SAMD9L: variants seen among roughly 807,000 people sequenced by gnomAD.
The protein encoded by SAMD9L is sterile alpha motif domain containing 9 like, also known as sterile alpha motif domain-containing protein 9-like.
A neutral mutation model predicts 90.7 loss-of-function variants in SAMD9L; 68 were observed. The ratio of observed to expected loss-of-function variants is 0.75; its 90% CI spans 0.62 to 0.92. The LOEUF is 0.92. Among genes scored for constraint, SAMD9L ranks in the 40% least tolerant of loss-of-function variants. The pLI, the probability that SAMD9L is intolerant of heterozygous loss-of-function variation, is 0.00. For missense variants in SAMD9L, 1,604 were observed against 1,824.3 expected (o/e 0.88, Z 2.20); for synonymous variants, 640 against 630.1 (o/e 1.02, Z -0.23).
At chr7:93,136,497 A>G (rs533654194) in intron 4 of SAMD9L, among the ~76,000 whole-genome samples, 2 of 152,312 alleles carry the variant, frequency 1.3e-5, no homozygotes, top group South Asian at 2.1e-4. Flanking sequence ...CTGTTAGGCC[A>G]CAAGGCTAGG....
In SAMD9L at chr7:93,130,517, G is replaced by C. The variant is rs1182669683; in HGVS notation, c.*700C>G. On this transcript the variant is annotated 3_prime_UTR_variant, in exon 5 of 5. Coordinates refer to ENST00000318238, the MANE Select transcript of SAMD9L (RefSeq NM_152703.5). ...GGTGGAGATAAGGCTGTATTCACAG[G>C]AGACAAAAATGGCTTAAAGGAAGAG... is the stretch of plus-strand genomic sequence containing the variant. 1 of 152,186 alleles carries C rather than the reference G, an allele frequency of 6.6e-6. No homozygotes were observed. The highest frequency in any genetic ancestry group is 1.5e-5 in the Non-Finnish European group (1 of 68,052). 9.4% of individuals were successfully genotyped at this position (152,186 alleles called of 1,614,324 possible).
At position 93,133,726 on chromosome 7, in the gene SAMD9L, G is replaced by A. The variant is rs1421189659; in HGVS notation, c.2246C>T (p.Thr749Ile). The A allele has an allele frequency of 6.2e-7, 1 of 1,613,554 alleles. No individual in the cohort carries two copies. The highest frequency in any genetic ancestry group is 8.5e-7 in the Non-Finnish European group (1 of 1,179,854). The stretch of plus-strand genomic sequence containing the variant: ...GTCCCAGAGAACATGCATAGCCAGT[G>A]TGGTACCTCCACAGCCTGGATGATG... The part of the protein sequence containing the change: ...LYHHPGCGGT[T>I]LAMHVLWDLK... Residue 749 changes from threonine to isoleucine, a missense_variant, in exon 5 of 5, where the codon ACA (threonine) becomes ATA (isoleucine). This residue lies in a region of SAMD9L where 606 missense variants were observed against 717.6 expected (regional missense o/e 0.84). Coordinates refer to ENST00000318238, the MANE Select transcript of SAMD9L (RefSeq NM_152703.5).
At position 93,131,331 on chromosome 7, in the gene SAMD9L, T is replaced by C; in HGVS notation, c.4641A>G (p.Pro1547=). ...GTGGACCTGAATAAACAGATATTAC[T>C]GGTATTTTTATTTTTTCCTCTGTTC... ...EYGTEEKIKI[P]VISVYSGPLR... Residue 1547 remains proline (P), a synonymous_variant, in exon 5 of 5, where the codon CCA becomes CCG. Coordinates refer to ENST00000318238, the MANE Select transcript of SAMD9L (RefSeq NM_152703.5). The C allele has an allele frequency of 6.2e-7, 1 of 1,613,444 alleles. No individual in the cohort carries two copies. The highest frequency in any genetic ancestry group is 8.5e-7 in the Non-Finnish European group (1 of 1,179,616).
Position 93,135,104 on chromosome 7 carries a change from C to T in SAMD9L, c.868G>A (p.Val290Met), listed in dbSNP as rs753487843. 6.2e-7 allele frequency: 1 copy of T among 1,612,664 alleles called. No individual in the cohort carries two copies. The highest frequency in any genetic ancestry group is 1.7e-5 in the Admixed American group (1 of 60,018). ...AKKCIREPRF[V>M]EVLLQNNTPS... ...GTATTGTTCTGCAGAAGGACTTCCACAAACCTTGGCTCCCGAATACACTTC... is the reference window on the plus strand; with the variant it reads ...GTATTGTTCTGCAGAAGGACTTCCATAAACCTTGGCTCCCGAATACACTTC... The change falls in exon 5 of 5, where the codon GTG (valine) becomes ATG (methionine). Residue 290 changes from valine to methionine, a missense_variant. Physicochemically the swap from Val to Met is conservative, Grantham distance 21. Transcript: ENST00000318238.
At chr7:93,138,713 G>C (rs913482365) in intron 4 of SAMD9L, among the ~76,000 whole-genome samples, 13 of 152,254 alleles carry the variant, frequency 8.5e-5, no homozygotes, top group African/African-American at 3.1e-4. Flanking sequence ...TCCAGCAGTG[G>C]GCAGCTCCTA....
Position 93,131,777 on chromosome 7 carries a change from A to G in SAMD9L, c.4195T>C (p.Leu1399=). 1 of 1,613,632 alleles carries G rather than the reference A, an allele frequency of 6.2e-7. No individual in the cohort carries two copies. The highest frequency in any genetic ancestry group is 8.5e-7 in the Non-Finnish European group (1 of 1,179,828). The part of the protein sequence containing the change: ...ILSCLKPNSK[L]IQPLTTLKKQ... ...TTTAGCGTGGTAAGTGGTTGAATTA[A>G]CTTGGAGTTGGGCTTTAGACAACTC... Residue 1399 remains leucine (L), a synonymous_variant, in exon 5 of 5, where the codon TTA becomes CTA. Transcript: ENST00000318238.
intron 4 of SAMD9L, among the ~76,000 whole-genome samples, chr7:93,141,166 C>G: frequency 6.6e-6 from 1 of 152,210 alleles, no homozygotes; most frequent in East Asian, 1.9e-4. Context: ...GGGACACTAC[C>G]TTTCCTGATT....
rs771984932 is a variant in SAMD9L at position 93,135,912 on chromosome 7, T to G, written c.60A>C (p.Lys20Asn). Residue 20 changes from lysine to asparagine, a missense_variant, in exon 5 of 5, where the codon AAA becomes AAC. This residue lies in a region of SAMD9L where 24 missense variants were observed against 41.8 expected (regional missense o/e 0.57). Transcript: ENST00000318238. ...MIKDWTKEHV[K>N]KWVNEDLKIN... ...TCTTAAGGTCTTCATTTACCCATTTTTTCACATGCTCTTTGGTCCAGTCTT... is the reference window on the plus strand; with the variant it reads ...TCTTAAGGTCTTCATTTACCCATTTGTTCACATGCTCTTTGGTCCAGTCTT... 11 of 1,612,184 alleles carry G rather than the reference T, an allele frequency of 6.8e-6. No homozygotes were observed. The highest frequency in any genetic ancestry group is 8.5e-7 in the Non-Finnish European group (1 of 1,179,484).
chr7:93,131,907 G>T lies in SAMD9L; in HGVS notation c.4065C>A (p.Thr1355=), dbSNP rs1476765044. 4 of 1,612,672 alleles carry T rather than the reference G, an allele frequency of 2.5e-6. No individual in the cohort carries two copies. The highest frequency in any genetic ancestry group is 3.4e-6 in the Non-Finnish European group (4 of 1,179,796). The change falls in exon 5 of 5, where the codon ACC becomes ACA. Residue 1355 remains threonine (T), a synonymous_variant. Coordinates refer to ENST00000318238, the MANE Select transcript of SAMD9L (RefSeq NM_152703.5). The stretch of plus-strand genomic sequence containing the variant: ...ATTCATTCACTATACTTTCCATGGT[G>T]GTAGCATCTTTGTAGTTTGGATTAA... The part of the protein sequence containing the change: ...EYLNPNYKDA[T]TMESIVNEYA...
intron 4 of SAMD9L, among the ~76,000 whole-genome samples, chr7:93,144,495 T>C (rs1792817317): frequency 6.6e-6 from 1 of 152,158 alleles, no homozygotes; most frequent in Non-Finnish European, 1.5e-5. Context: ...TGTGTATAGG[T>C]TATATGCAAA....
At chr7:93,136,035 T>A in intron 4 of SAMD9L, 44 bp from the exon 5 acceptor site, 1 of 1,288,364 alleles carries the variant, frequency 7.8e-7, no homozygotes, top group Non-Finnish European at 1.0e-6. Flanking sequence ...TTATACTTTA[T>A]TTTTAAAATC....
rs768031480 is a variant in SAMD9L, at chr7:93,133,600, C to T, written c.2372G>A (p.Ser791Asn). ...VINLVTYRAK[S>N]HQDYIPVLLL... Reference sequence around the variant, plus strand: ...AAGCACAGGAATGTAATCCTGATGGCTCTTTGCCCTATAGGTGACCAGATT... The same window carrying T: ...AAGCACAGGAATGTAATCCTGATGGTTCTTTGCCCTATAGGTGACCAGATT... The change falls in exon 5 of 5, where the codon AGC (serine) becomes AAC (asparagine). Residue 791 changes from serine to asparagine, a missense_variant. Around this residue, in one of 7 missense-constraint regions of SAMD9L, gnomAD observed 606 missense variants for 717.6 expected, o/e 0.84. Transcript: ENST00000318238. 1.2e-6 allele frequency: 2 copies of T among 1,613,662 alleles called. No homozygotes were observed. The highest frequency in any genetic ancestry group is 4.5e-5 in the East Asian group (2 of 44,886).
rs1346650430 is a variant in SAMD9L, at chr7:93,132,875, G to A, written c.3097C>T (p.His1033Tyr). The change falls in exon 5 of 5, where the codon CAT becomes TAT. Residue 1033 changes from histidine (H) to tyrosine (Y), a missense_variant. Physicochemically the swap from His to Tyr is moderately conservative, Grantham distance 83. Around this residue, in one of 7 missense-constraint regions of SAMD9L, gnomAD observed 302 missense variants for 314.7 expected, o/e 0.96. Coordinates refer to ENST00000318238, the MANE Select transcript of SAMD9L (RefSeq NM_152703.5). ...DSGIGRDKFQHDVQTLLLTRQ... is the reference protein window; with the variant it reads ...DSGIGRDKFQYDVQTLLLTRQ... ...GTAAGCAGAAGAGTTTGAACATCAT[G>A]TTGAAATTTGTCTCTTCCTATTCCA... The A allele has an allele frequency of 1.2e-6, 2 of 1,613,556 alleles. No individual in the cohort carries two copies. Among genetic ancestry groups the A allele is most frequent in the Non-Finnish European group, 1.7e-6 (2 of 1,179,728 alleles).
Position 93,134,837 on chromosome 7 carries a change from C to T in SAMD9L, c.1135G>A (p.Glu379Lys), listed in dbSNP as rs778751404. Residue 379 changes from glutamate (E) to lysine (K), a missense_variant, in exon 5 of 5, where the codon GAG becomes AAG. Around this residue, in one of 7 missense-constraint regions of SAMD9L, gnomAD observed 606 missense variants for 717.6 expected, o/e 0.84. Transcript: ENST00000318238. ...TTCATTCCATACTCTTCTTCAGCCTCTTTTCTAGATGCTACCAGTGACTTT... is the reference window on the plus strand; with the variant it reads ...TTCATTCCATACTCTTCTTCAGCCTTTTTTCTAGATGCTACCAGTGACTTT... ...NLKSLVASRK[E>K]AEEEYGMKAM... 1 of 1,613,890 alleles carries T rather than the reference C, an allele frequency of 6.2e-7. No homozygotes were observed. The highest frequency in any genetic ancestry group is 8.5e-7 in the Non-Finnish European group (1 of 1,179,920).
Position 93,135,069 on chromosome 7 carries a change from G to C in SAMD9L, c.903C>G (p.Asp301Glu). Residue 301 changes from aspartate (D) to glutamate (E), a missense_variant, in exon 5 of 5, where the codon GAC becomes GAG. Coordinates refer to ENST00000318238, the MANE Select transcript of SAMD9L (RefSeq NM_152703.5). The part of the protein sequence containing the change: ...EVLLQNNTPS[D>E]RFVIEVDTIP... Reference sequence around the variant, plus strand: ...TAGTATCAACTTCAATGACAAATCTGTCAGATGGTGTATTGTTCTGCAGAA... The same window carrying C: ...TAGTATCAACTTCAATGACAAATCTCTCAGATGGTGTATTGTTCTGCAGAA... The C allele has an allele frequency of 6.2e-7, 1 of 1,613,096 alleles. No individual in the cohort carries two copies. Among genetic ancestry groups the C allele is most frequent in the South Asian group, 1.1e-5 (1 of 91,074 alleles).
intron 4 of SAMD9L, among the ~76,000 whole-genome samples, chr7:93,136,891 A>G (rs1172502582): frequency 6.6e-6 from 1 of 152,162 alleles, no homozygotes; most frequent in Non-Finnish European, 1.5e-5. Flanking sequence ...TGGTGCATCT[A>G]CTGTGCAGAC....
At position 93,131,506 on chromosome 7, in the gene SAMD9L, T is replaced by C. The variant is rs1459989370; in HGVS notation, c.4466A>G (p.His1489Arg). The C allele has an allele frequency of 1.9e-6, 3 of 1,613,882 alleles. No homozygotes were observed. The highest frequency in any genetic ancestry group is 2.5e-6 in the Non-Finnish European group (3 of 1,179,916). ...GKRKGLNSIVHKAKIEQYFDK... is the reference protein window; with the variant it reads ...GKRKGLNSIVRKAKIEQYFDK... ...AAAGTACTGCTCTATTTTGGCCTTG[T>C]GAACAATACTGTTTAGACCCTTCCT... Residue 1489 changes from histidine (H) to arginine (R), a missense_variant, in exon 5 of 5, where the codon CAC becomes CGC. By Grantham distance (29) the His-to-Arg change is conservative (BLOSUM62 0). Transcript: ENST00000318238.
At chr7:93,138,334 G>C (rs181666023) in intron 4 of SAMD9L, among the ~76,000 whole-genome samples, 1 of 152,024 alleles carries the variant, frequency 6.6e-6, no homozygotes. Context: ...TTATGTACCA[G>C]GCATCATGCT....
intron 4 of SAMD9L, among the ~76,000 whole-genome samples, chr7:93,137,374 A>G (rs1792496972): frequency 6.6e-6 from 1 of 152,054 alleles, no homozygotes; most frequent in African/African-American, 2.4e-5. Flanking sequence ...CCTTGTTGTG[A>G]ACTGTGCATA....
Sources: allele counts gnomAD v4.1 joint callset (sites outside exome capture counted in the v4.1 genomes callset), GRCh38; gene constraint gnomAD v4.1.1; regional missense constraint gnomAD v4.1.1; transcripts MANE v1.5; gene names NCBI Gene and HGNC (gene_info 2026-07-23, HGNC 2026-07-21).